The following TNS3 variants were observed in gnomAD, a reference collection of about 807,000 sequenced individuals.
The protein encoded by TNS3 is tensin-3.
In TNS3, 45 loss-of-function variants were observed where a neutral mutation model predicts 140.9. That is an observed-to-expected ratio of 0.32 (90% CI 0.25 to 0.41). The LOEUF (loss-of-function observed/expected upper bound fraction) is 0.41, where lower values mean the gene tolerates loss of function less well. Among genes scored for constraint, TNS3 ranks in the 10% least tolerant of loss-of-function variants. TNS3 has a pLI of 1.00. For synonymous variants in TNS3, 815 were observed against 788.4 expected (o/e 1.03, Z -0.56); for missense variants, 1,716 against 1,906.7 (o/e 0.90, Z 1.86).
Position 47,345,000 on chromosome 7 carries a change from G to C in TNS3, c.2490C>G (p.Ile830Met), listed in dbSNP as rs200492693. ...TPGYPQDLDI[I>M]DGRILSSKES... ...CCTTGCTACTTAAAATTCTGCCATC[G>C]ATAATATCGAGGTCCTGGGGATAGC... The change falls in exon 19 of 31, where the codon ATC (isoleucine) becomes ATG (methionine). Residue 830 changes from isoleucine (I) to methionine (M), a missense_variant. Ile to Met is a conservative substitution (Grantham distance 10). Around this residue, in one of 3 missense-constraint regions of TNS3, gnomAD observed 1,163 missense variants for 1,182.1 expected, o/e 0.98. Coordinates refer to ENST00000311160, the MANE Select transcript of TNS3 (RefSeq NM_022748.12). 1 of 1,614,156 alleles carries C rather than the reference G, an allele frequency of 6.2e-7. No homozygotes were observed. Among genetic ancestry groups the C allele is most frequent in the African/African-American group, 1.3e-5 (1 of 75,048 alleles).
intron 2 of TNS3, among the ~76,000 whole-genome samples, chr7:47,524,618 A>C (rs34407403): frequency 0.17 from 25,006 of 149,144 alleles, 2,159 homozygotes; most frequent in East Asian, 0.32. Context: ...CTGGCTAACA[A>C]GGTGAAACCC....
chr7:47,352,259 G>A (rs1789724975), intron 17 of TNS3, among the ~76,000 whole-genome samples: 1 of 152,082 alleles, frequency 6.6e-6, no homozygotes, highest in Middle Eastern at 3.2e-3. Flanking sequence ...TCACACACGT[G>A]CAGTCTCTCA....
At chr7:47,578,569 C>T (rs895061684) in intron 1 of TNS3, among the ~76,000 whole-genome samples, 2 of 150,738 alleles carry the variant, frequency 1.3e-5, no homozygotes, top group South Asian at 4.2e-4. Flanking sequence ...TGGGGGGGGG[C>T]GGTGGTTAGA....
At chr7:47,472,678 AG>A (rs1051976206) in intron 4 of TNS3, among the ~76,000 whole-genome samples, 11 of 152,314 alleles carry the variant, frequency 7.2e-5, no homozygotes, top group Admixed American at 3.9e-4. Context: ...CCATGGGAAC[AG>A]GAAGTCCCAG....
chr7:47,569,897 C>T (rs368448979), intron 1 of TNS3, among the ~76,000 whole-genome samples: 38 of 151,962 alleles, frequency 2.5e-4, no homozygotes, highest in African/African-American at 9.2e-4. Flanking sequence ...GCCTGTAATC[C>T]CAGCACTTTG....
Position 47,425,570 on chromosome 7 carries a change from G to A in TNS3, c.390-1386C>T, listed in dbSNP as rs186863529. Among the ~76,000 whole-genome samples, 16 of 152,304 alleles carry A rather than the reference G, an allele frequency of 1.1e-4. No homozygotes were observed. In the East Asian group the frequency reaches 2.9e-3, roughly 28 times the overall value. On this transcript the variant is annotated intron_variant, in intron 9 of 30. Coordinates refer to ENST00000311160, the MANE Select transcript of TNS3 (RefSeq NM_022748.12). ...GGCAAGGGGCTGTGCTGGTGGGGCA[G>A]TCACACACAGAAGGGCCCACTTTAG... is the stretch of plus-strand genomic sequence containing the variant.
At position 47,400,410 on chromosome 7, in the gene TNS3, G is replaced by A. The variant is rs963479318; in HGVS notation, c.902C>T (p.Thr301Met). The change falls in exon 15 of 31, where the codon ACG becomes ATG. Residue 301 changes from threonine (T) to methionine (M), a missense_variant. Physicochemically the swap from Thr to Met is moderately conservative, Grantham distance 81 (BLOSUM62 -1). Coordinates refer to ENST00000311160, the MANE Select transcript of TNS3 (RefSeq NM_022748.12). ...YGKVELVFSA[T>M]PEKIQGSEHL... is the part of the protein sequence containing the mutation. ...CTACCCACCTTGAATCTTCTCAGGCGTGGCAGAGAAGACTAATTCAACCTT... is the reference window on the plus strand; with the variant it reads ...CTACCCACCTTGAATCTTCTCAGGCATGGCAGAGAAGACTAATTCAACCTT... 17 of 1,614,046 alleles carry A rather than the reference G, an allele frequency of 1.1e-5. No homozygotes were observed. The highest frequency in any genetic ancestry group is 3.3e-5 in the Admixed American group (2 of 60,010).
intron 13 of TNS3, among the ~76,000 whole-genome samples, chr7:47,404,248 C>T (rs1450945746): frequency 6.6e-6 from 1 of 152,148 alleles, no homozygotes; most frequent in Admixed American, 6.5e-5. Flanking sequence ...CATCACAAAT[C>T]GCTGGGAGCA....
intron 4 of TNS3, among the ~76,000 whole-genome samples, chr7:47,475,469 A>G (rs1173067225): frequency 6.6e-6 from 1 of 152,240 alleles, no homozygotes; most frequent in African/African-American, 2.4e-5. Flanking sequence ...GGCCGCCACC[A>G]GAAGGCGGAG....
At chr7:47,540,118 G>C (rs1194877581) in intron 1 of TNS3, among the ~76,000 whole-genome samples, 1 of 152,156 alleles carries the variant, frequency 6.6e-6, no homozygotes, top group Non-Finnish European at 1.5e-5. Context: ...TTACTCGCCA[G>C]GTTGTCTCAC....
intron 13 of TNS3, among the ~76,000 whole-genome samples, chr7:47,408,132 A>C (rs1261065237): frequency 6.6e-6 from 1 of 152,148 alleles, no homozygotes; most frequent in East Asian, 1.9e-4. Flanking sequence ...GGAGAACGCC[A>C]GCCCAGGGTG....
chr7:47,527,966 C>G (rs1337256747), intron 2 of TNS3, among the ~76,000 whole-genome samples: 1 of 151,982 alleles, frequency 6.6e-6, no homozygotes, highest in Non-Finnish European at 1.5e-5. Context: ...TCAGAGTACA[C>G]TACAGCCCGT....
Position 47,556,270 on chromosome 7 carries a change from C to T in TNS3, c.-265+25781G>A, listed in dbSNP as rs1800193242. On this transcript the variant is annotated intron_variant, in intron 1 of 30. Coordinates refer to ENST00000311160, the MANE Select transcript of TNS3 (RefSeq NM_022748.12). ...TCCTGGAGACACTTTAAAATCAAAA[C>T]GTGATTTTTAAAAAATTACCTTTAG... is the stretch of plus-strand genomic sequence containing the variant. Among the ~76,000 whole-genome samples the T allele has an allele frequency of 3.3e-5, 5 of 152,294 alleles. No individual in the cohort carries two copies. In the South Asian group the frequency reaches 1.0e-3, roughly 32 times the overall value.
intron 1 of TNS3, among the ~76,000 whole-genome samples, chr7:47,575,355 G>C (rs1243926392): frequency 2.0e-5 from 3 of 152,140 alleles, no homozygotes; most frequent in African/African-American, 7.2e-5. Flanking sequence ...AAAAAGCACA[G>C]AAAACATATG....
intron 20 of TNS3, among the ~76,000 whole-genome samples, chr7:47,328,596 A>G (rs547492011): frequency 6.6e-6 from 1 of 152,172 alleles, no homozygotes; most frequent in East Asian, 1.9e-4. Context: ...AACAGTCTCT[A>G]ACAACAAGGA....
intron 1 of TNS3, among the ~76,000 whole-genome samples, chr7:47,578,732 C>T (rs965694): frequency 0.89 from 135,545 of 152,240 alleles, 62,556 homozygotes; most frequent in East Asian, 1. Flanking sequence ...TCCTGAGTCA[C>T]AGAGTACAAA....
chr7:47,353,323 C>T (rs570530610), intron 17 of TNS3, among the ~76,000 whole-genome samples: 6 of 152,232 alleles, frequency 3.9e-5, no homozygotes, highest in Admixed American at 2.0e-4. Context: ...ACAGGTGAGC[C>T]CAGGCCACAG....
chr7:47,279,867 G>A (rs1785049246), intron 30 of TNS3: 4 of 479,082 alleles, frequency 8.3e-6, no homozygotes, highest in Non-Finnish European at 1.5e-5. Context: ...GCACTGCTGA[G>A]CCCATGCATT....
At chr7:47,502,598 G>A (rs765439799) in intron 3 of TNS3, among the ~76,000 whole-genome samples, 1 of 152,366 alleles carries the variant, frequency 6.6e-6, no homozygotes, top group Middle Eastern at 3.4e-3. Context: ...GCAGCAGGGG[G>A]TTCCGCTGAC....
Sources: gnomAD v4.1 joint callset for allele counts (sites outside exome capture counted in the v4.1 genomes callset) on GRCh38, gnomAD v4.1.1 for gene constraint, gnomAD v4.1.1 regional missense constraint, MANE v1.5 for transcripts, NCBI Gene and HGNC (gene_info 2026-07-23, HGNC 2026-07-21) for gene names.